The following SPG11 variants were observed in gnomAD, a reference collection of about 807,000 sequenced individuals.
SPG11 encodes spatacsin.
A neutral mutation model predicts 274.0 loss-of-function variants in SPG11; 222 were observed. The ratio of observed to expected loss-of-function variants is 0.81; its 90% CI spans 0.73 to 0.91. SPG11 has a LOEUF of 0.91. Ranked by LOEUF, SPG11 falls within the 40% of genes least tolerant of loss-of-function variation. The pLI is 0.00. For synonymous variants in SPG11, 1,144 were observed against 1,039.7 expected (o/e 1.10, Z -1.93); for missense variants, 3,114 against 2,872.7 (o/e 1.08, Z -1.92).
chr15:44,629,170 G>A, intron 9 of SPG11, 63 bp downstream of exon 9: 1 of 1,560,316 alleles, frequency 6.4e-7, no homozygotes, highest in Non-Finnish European at 8.8e-7. Flanking sequence ...CCCAATAGCA[G>A]CACTTGTATC....
At chr15:44,602,353 T>C (rs2083214546) in intron 20 of SPG11, among the ~76,000 whole-genome samples, 1 of 152,244 alleles carries the variant, frequency 6.6e-6, no homozygotes, top group Non-Finnish European at 1.5e-5. Flanking sequence ...GAGACTGTCA[T>C]ACATGGCCTT....
intron 20 of SPG11, among the ~76,000 whole-genome samples, chr15:44,603,836 C>G (rs1042906068): frequency 6.6e-6 from 1 of 152,100 alleles, no homozygotes; most frequent in African/African-American, 2.4e-5. Context: ...AGTTGTTATA[C>G]TGTATTTTTA....
chr15:44,583,869 A>G lies in SPG11; in HGVS notation c.5811T>C (p.Ser1937=), dbSNP rs775073827. The change falls in exon 30 of 40, where the codon AGT becomes AGC. Residue 1937 remains serine, a synonymous_variant. Transcript: ENST00000261866. Reference sequence around the variant, plus strand: ...GTGCTTCTTCCTCAAGCAGCTCAGCACTTTGTAGGAGAGCATGGATCTCTG... The same window carrying G: ...GTGCTTCTTCCTCAAGCAGCTCAGCGCTTTGTAGGAGAGCATGGATCTCTG... ...LHPEIHALLQ[S]AELLEEEAPD... is the part of the protein sequence containing the mutation. The G allele has an allele frequency of 3.7e-6, 6 of 1,614,044 alleles. No homozygotes were observed. In the Admixed American group the frequency reaches 1.0e-4, roughly 27 times the overall value.
At chr15:44,603,053 ATTTT>A (rs988355401) in intron 20 of SPG11, among the ~76,000 whole-genome samples, 2 of 131,272 alleles carry the variant, frequency 1.5e-5, no homozygotes. Context: ...CCAACAGGCA[ATTTT>A]TTTTTTTTTT....
chr15:44,581,711 T>G (rs1422195041), intron 30 of SPG11, among the ~76,000 whole-genome samples: 1 of 151,850 alleles, frequency 6.6e-6, no homozygotes, highest in Non-Finnish European at 1.5e-5. Context: ...AACCTCATTG[T>G]TTAATGAGGT....
intron 30 of SPG11, among the ~76,000 whole-genome samples, chr15:44,575,591 C>T (rs556651688): frequency 6.6e-6 from 1 of 150,888 alleles, no homozygotes; most frequent in African/African-American, 2.4e-5. Context: ...GCCTCCAGGG[C>T]TCAATAGATT....
chr15:44,622,655 C>T, intron 12 of SPG11, 73 bp downstream of exon 12: 1 of 1,247,508 alleles, frequency 8.0e-7, no homozygotes, highest in Non-Finnish European at 1.2e-6. Context: ...GGTTTTTCTT[C>T]CAAGGTTTTC....
At chr15:44,595,526 T>C in intron 25 of SPG11, 67 bp from the exon 26 acceptor site, 1 of 1,493,914 alleles carries the variant, frequency 6.7e-7, no homozygotes, top group Non-Finnish European at 9.3e-7. Flanking sequence ...ATACTACAGA[T>C]GGATATTTCC....
intron 7 of SPG11, among the ~76,000 whole-genome samples, chr15:44,636,698 G>C (rs2084265262): frequency 6.6e-6 from 1 of 150,824 alleles, no homozygotes; most frequent in South Asian, 2.1e-4. Context: ...TTGGGAGAAA[G>C]GCAGGTCACT....
chr15:44,600,362 G>A, intron 21 of SPG11, 105 bp downstream of exon 21: 4 of 1,282,316 alleles, frequency 3.1e-6, no homozygotes, highest in Non-Finnish European at 4.5e-6. Context: ...ATAGCTCACT[G>A]CTTCCTTGAA....
chr15:44,657,977 A>C (rs2066908944), intron 3 of SPG11, among the ~76,000 whole-genome samples: 1 of 152,224 alleles, frequency 6.6e-6, no homozygotes, highest in African/African-American at 2.4e-5. Context: ...CAGTGAGCCG[A>C]GATCACGCCA....
At chr15:44,659,683 T>C (rs928233558) in intron 2 of SPG11, among the ~76,000 whole-genome samples, 1 of 152,224 alleles carries the variant, frequency 6.6e-6, no homozygotes, top group Admixed American at 6.5e-5. Context: ...CTGAGTGCTT[T>C]GATTTCTGCT....
chr15:44,608,020 T>C (rs2083365963), intron 19 of SPG11, among the ~76,000 whole-genome samples: 1 of 152,190 alleles, frequency 6.6e-6, no homozygotes, highest in Non-Finnish European at 1.5e-5. Flanking sequence ...GCCCTTCGGC[T>C]ACCAGATACA....
intron 8 of SPG11, among the ~76,000 whole-genome samples, chr15:44,631,549 G>C (rs1181514539): frequency 6.6e-6 from 1 of 151,540 alleles, no homozygotes; most frequent in Non-Finnish European, 1.5e-5. Flanking sequence ...GAAGAAAGCA[G>C]AAGCAAAGAA....
chr15:44,622,307 T>C lies in SPG11; in HGVS notation c.2357A>G (p.Glu786Gly), dbSNP rs2083775965. Residue 786 changes from glutamate to glycine, a missense_variant, in exon 13 of 40, where the codon GAG (glutamate) becomes GGG (glycine). Coordinates refer to ENST00000261866, the MANE Select transcript of SPG11 (RefSeq NM_025137.4). Reference sequence around the variant, plus strand: ...ATGCACGAAGTCTATAGTTCTTTTCTCTTTTTCAGAAAAATAATTTTTTTC... The same window carrying C: ...ATGCACGAAGTCTATAGTTCTTTTCCCTTTTTCAGAAAAATAATTTTTTTC... ...LKEKNYFSEK[E>G]KRTIDFVHQV... is the part of the protein sequence containing the mutation. 3 of 1,567,490 alleles carry C rather than the reference T, an allele frequency of 1.9e-6. No homozygotes were observed. Among genetic ancestry groups the C allele is most frequent in the Non-Finnish European group, 2.6e-6 (3 of 1,145,952 alleles).
intron 11 of SPG11, among the ~76,000 whole-genome samples, chr15:44,623,545 T>A (rs1333014501): frequency 6.6e-6 from 1 of 152,030 alleles, no homozygotes; most frequent in Non-Finnish European, 1.5e-5. Context: ...CTTCCCCTTC[T>A]CATATGAAGT....
At chr15:44,637,827 T>C (rs1206092149) in intron 7 of SPG11, among the ~76,000 whole-genome samples, 1 of 152,148 alleles carries the variant, frequency 6.6e-6, no homozygotes, top group Non-Finnish European at 1.5e-5. Flanking sequence ...AAGCTGGCTA[T>C]AAAACAGCCC....
chr15:44,602,407 G>A (rs1393210883), intron 20 of SPG11, among the ~76,000 whole-genome samples: 1 of 151,480 alleles, frequency 6.6e-6, no homozygotes, highest in Non-Finnish European at 1.5e-5. Flanking sequence ...TTTGTTGAGA[G>A]TTTTTATTAT....
intron 4 of SPG11, among the ~76,000 whole-genome samples, chr15:44,655,515 G>A (rs2084914606): frequency 6.6e-6 from 1 of 152,142 alleles, no homozygotes; most frequent in Non-Finnish European, 1.5e-5. Flanking sequence ...CTTGTAAACA[G>A]ATTATGTAGA....
Sources: gnomAD v4.1 joint callset for allele counts (sites outside exome capture counted in the v4.1 genomes callset) on GRCh38, gnomAD v4.1.1 for gene constraint, MANE v1.5 for transcripts, NCBI Gene and HGNC (gene_info 2026-07-23, HGNC 2026-07-21) for gene names.